The following PCSK1 variants were observed in gnomAD, a reference collection of about 807,000 sequenced individuals.
PCSK1 encodes the protein neuroendocrine convertase 1.
PCSK1 carries 56 observed loss-of-function variants against 90.6 expected under a neutral mutation model. That is an observed-to-expected ratio of 0.62 (90% CI 0.50 to 0.77). The LOEUF (loss-of-function observed/expected upper bound fraction) is 0.77, where lower values mean the gene tolerates loss of function less well. Ranked by LOEUF, PCSK1 falls within the 30% of genes least tolerant of loss-of-function variation. PCSK1 has a pLI of 0.00. For missense variants in PCSK1, 801 were observed against 932.6 expected (o/e 0.86, Z 1.84); for synonymous variants, 348 against 342.4 (o/e 1.02, Z -0.18).
chr5:96,416,431 G>A (rs563306842), intron 5 of PCSK1, among the ~76,000 whole-genome samples: 1 of 152,336 alleles, frequency 6.6e-6, no homozygotes, highest in Non-Finnish European at 1.5e-5. Flanking sequence ...GCAGTGGATG[G>A]CAGATAGTAA....
chr5:96,432,548 C>G (rs1364030473), intron 1 of PCSK1, among the ~76,000 whole-genome samples: 1 of 152,228 alleles, frequency 6.6e-6, no homozygotes, highest in African/African-American at 2.4e-5. Flanking sequence ...CTCAAGTTCC[C>G]TGAACAAGCG....
At chr5:96,397,101 T>G (rs1429570722) in intron 12 of PCSK1, among the ~76,000 whole-genome samples, 4 of 152,224 alleles carry the variant, frequency 2.6e-5, no homozygotes, top group African/African-American at 9.6e-5. Context: ...TCTGTCACAT[T>G]GTTTATATAA....
chr5:96,429,070 G>C, intron 2 of PCSK1, 143 bp downstream of exon 2: 1 of 593,114 alleles, frequency 1.7e-6, no homozygotes, highest in Non-Finnish European at 3.0e-6. Flanking sequence ...TTTATGGAAA[G>C]AAATTAGAAA....
At chr5:96,396,426 T>G (rs1327785271) in intron 12 of PCSK1, among the ~76,000 whole-genome samples, 2 of 151,976 alleles carry the variant, frequency 1.3e-5, no homozygotes, top group Non-Finnish European at 2.9e-5. Context: ...CCAGGCTTGG[T>G]GGTGGGTACC....
At chr5:96,424,186 A>C (rs1761213283) in intron 3 of PCSK1, among the ~76,000 whole-genome samples, 2 of 152,360 alleles carry the variant, frequency 1.3e-5, no homozygotes, top group Admixed American at 1.3e-4. Flanking sequence ...TGAAAGGGTC[A>C]ATAAGAAATC....
At position 96,391,372 on chromosome 5, in the gene PCSK1, A is replaced by G. The variant is rs1482383674; in HGVS notation, c.*1629T>C. The G allele has an allele frequency of 6.6e-6, 1 of 152,222 alleles. No homozygotes were observed. The highest frequency in any genetic ancestry group is 2.4e-5 in the African/African-American group (1 of 41,458). 9.4% of individuals were successfully genotyped at this position (152,222 alleles called of 1,614,324 possible). On this transcript the variant is annotated 3_prime_UTR_variant, in exon 14 of 14. Transcript: ENST00000311106. ...GTTCAAACTTCATGGAAAAATTGCA[A>G]ACAGCAAACTCAGTGGGAGAAAGCC...
chr5:96,396,469 G>A (rs1760149574), intron 12 of PCSK1, among the ~76,000 whole-genome samples: 1 of 151,598 alleles, frequency 6.6e-6, no homozygotes, highest in South Asian at 2.1e-4. Context: ...GCTGAGGCAG[G>A]AGAAGCGCTT....
At chr5:96,428,135 TTTC>T (rs1392813145) in intron 2 of PCSK1, among the ~76,000 whole-genome samples, 1 of 152,188 alleles carries the variant, frequency 6.6e-6, no homozygotes, top group Non-Finnish European at 1.5e-5. Flanking sequence ...AATTTGTCTT[TTTC>T]TTCTTCTTTT....
rs57397343 is a variant in PCSK1 at position 96,412,752 on chromosome 5, G to GTTTTTTTTTTTTTTTTTTTTTTTTTTT, written c.710-263_710-262insAAAAAAAAAAAAAAAAAAAAAAAAAAA. On this transcript the variant is annotated intron_variant, in intron 6 of 13. Coordinates refer to ENST00000311106, the MANE Select transcript of PCSK1 (RefSeq NM_000439.5). ...CATGCACTGTGTAGGCAGCTGTGAT[G>GTTTTTTTTTTTTTTTTTTTTTTTTTTT]TTTTTTTTTTTTTTTTTTTTTTTGG... Among the ~76,000 whole-genome samples, 7 of 71,806 alleles carry GTTTTTTTTTTTTTTTTTTTTTTTTTTT rather than the reference G, an allele frequency of 9.7e-5. 2 individuals carry two copies. Among genetic ancestry groups the GTTTTTTTTTTTTTTTTTTTTTTTTTTT allele is most frequent in the African/African-American group, 6.3e-4 (7 of 11,126 alleles). The allele number at this position is 71,806 out of a possible 152,430, so 47.1% of individuals were successfully genotyped here.
At chr5:96,426,241 C>T (rs906061219) in intron 2 of PCSK1, among the ~76,000 whole-genome samples, 7 of 152,144 alleles carry the variant, frequency 4.6e-5, no homozygotes, top group Non-Finnish European at 1.0e-4. Context: ...AGCAAATGGA[C>T]CATAATACTC....
chr5:96,425,125 G>A (rs886927408), intron 3 of PCSK1, among the ~76,000 whole-genome samples: 1 of 152,052 alleles, frequency 6.6e-6, no homozygotes, highest in African/African-American at 2.4e-5. Flanking sequence ...TATGCAACAA[G>A]AGTATCAAAG....
intron 6 of PCSK1, among the ~76,000 whole-genome samples, chr5:96,415,592 C>A (rs1246172069): frequency 6.6e-6 from 1 of 152,128 alleles, no homozygotes; most frequent in Admixed American, 6.5e-5. Context: ...TAAAATTTGG[C>A]TATTTAATAT....
chr5:96,408,083 C>T (rs1376091217), intron 9 of PCSK1, 140 bp downstream of exon 9: 19 of 699,684 alleles, frequency 2.7e-5, no homozygotes, highest in South Asian at 9.0e-5. Context: ...TTAGTGACCT[C>T]GAAGTGGCAG....
Position 96,409,177 on chromosome 5 carries a change from C to T in PCSK1, c.1096-854G>A, listed in dbSNP as rs1439352984. Among the ~76,000 whole-genome samples, 4 of 152,184 alleles carry T rather than the reference C, an allele frequency of 2.6e-5. No individual in the cohort carries two copies. In the South Asian group the frequency reaches 6.2e-4, roughly 24 times the overall value. ...GAAACTGAAAAGACTTCCTGTCTGC[C>T]TTAAGGACCACGGCGCTGCTGGTTG... On this transcript the variant is annotated intron_variant, in intron 8 of 13. Transcript: ENST00000311106.
At chr5:96,429,518 A>G (rs770548326) in intron 1 of PCSK1, among the ~76,000 whole-genome samples, 2 of 152,120 alleles carry the variant, frequency 1.3e-5, no homozygotes, top group Non-Finnish European at 2.9e-5. Context: ...AACTTGTGTC[A>G]CGGGGTATTT....
At chr5:96,431,712 G>A (rs1485506848) in intron 1 of PCSK1, among the ~76,000 whole-genome samples, 1 of 152,132 alleles carries the variant, frequency 6.6e-6, no homozygotes, top group Admixed American at 6.5e-5. Flanking sequence ...AGCAAGAGCA[G>A]GCGAATTCCC....
intron 4 of PCSK1, 90 bp downstream of exon 4, chr5:96,423,223 G>A: frequency 7.9e-7 from 1 of 1,272,886 alleles, no homozygotes; most frequent in Non-Finnish European, 1.1e-6. Context: ...TGACACCAGA[G>A]CAGCATCCCC....
intron 5 of PCSK1, among the ~76,000 whole-genome samples, chr5:96,420,534 A>T (rs533442894): frequency 1.3e-5 from 2 of 152,280 alleles, no homozygotes; most frequent in East Asian, 3.9e-4. Flanking sequence ...TACGGAAAGA[A>T]GTCATATCCC....
intron 1 of PCSK1, among the ~76,000 whole-genome samples, chr5:96,431,904 A>G (rs1315564453): frequency 6.6e-6 from 1 of 152,076 alleles, no homozygotes; most frequent in African/African-American, 2.4e-5. Flanking sequence ...CGAGCCAAGG[A>G]AAGGAAAGCT....
Sources: gnomAD v4.1 joint callset for allele counts (sites outside exome capture counted in the v4.1 genomes callset) on GRCh38, gnomAD v4.1.1 for gene constraint, MANE v1.5 for transcripts, NCBI Gene and HGNC (gene_info 2026-07-23, HGNC 2026-07-21) for gene names.